C1orf87: variants seen among roughly 807,000 people sequenced by gnomAD.
C1orf87 encodes chromosome 1 open reading frame 87.
C1orf87 carries 58 observed loss-of-function variants against 60.5 expected under a neutral mutation model. The observed-to-expected ratio is 0.96, with a 90% confidence interval of 0.78 to 1.19. The LOEUF is 1.19. Ranked by LOEUF, C1orf87 falls within the 50% of genes most tolerant of loss-of-function variation. The probability of loss-of-function intolerance (pLI) is 0.00; values close to 1 mark genes in which losing one functional copy is unlikely to be tolerated. For synonymous variants in C1orf87, 236 were observed against 227.4 expected, an observed-to-expected ratio of 1.04 and a Z score of -0.34; for missense variants, 673 against 638.6, an observed-to-expected ratio of 1.05 and a Z score of -0.58.
Position 60,040,045 on chromosome 1 carries a change from G to T in C1orf87, c.619C>A (p.Pro207Thr), listed in dbSNP as rs747202320. ...TGGAGAAGAAATCCTGAAGAGATTG[G>T]GTCCAGGATCTTCAGCTCTTTCTGA... is the stretch of plus-strand genomic sequence containing the variant. Reference protein sequence around the residue: ...KLQKELKILDPISSGFLLQSQ... With the variant: ...KLQKELKILDTISSGFLLQSQ... Residue 207 changes from proline (P) to threonine (T), a missense_variant, in exon 5 of 12, where the codon CCA (proline) becomes ACA (threonine). Physicochemically the swap from Pro to Thr is conservative, Grantham distance 38. Coordinates refer to ENST00000371201, the MANE Select transcript of C1orf87 (RefSeq NM_152377.3). 4.8e-5 allele frequency: 77 copies of T among 1,614,060 alleles called. No homozygotes were observed. The South Asian group carries it at 6.1e-4, about 13-fold the overall frequency.
At chr1:60,014,592 T>C (rs1018104173) in intron 8 of C1orf87, among the ~76,000 whole-genome samples, 18 of 152,268 alleles carry the variant, frequency 1.2e-4, no homozygotes, top group African/African-American at 4.3e-4. Context: ...GGCTATTTTA[T>C]TGAAACATCC....
chr1:60,064,322 A>G (rs1234899172), intron 2 of C1orf87, among the ~76,000 whole-genome samples: 3 of 142,962 alleles, frequency 2.1e-5, no homozygotes, highest in Non-Finnish European at 3.0e-5. Context: ...TATAAATTAT[A>G]TATTATATAT....
rs142481056 is a variant in C1orf87 at position 59,992,782 on chromosome 1, C to T, written c.1481-1949G>A. On this transcript the variant is annotated intron_variant, in intron 11 of 11. Coordinates refer to ENST00000371201, the MANE Select transcript of C1orf87 (RefSeq NM_152377.3). ...CACCTTCTCAACTACTCTCTAATCG[C>T]TATTTTTAACAGTAGGCCACAATAG... Among the ~76,000 whole-genome samples the T allele has an allele frequency of 3.9e-5, 6 of 152,316 alleles. No homozygotes were observed. In the East Asian group the frequency reaches 1.2e-3, roughly 29 times the overall value.
At chr1:59,997,480 C>A in intron 11 of C1orf87, 129 bp downstream of exon 11, 1 of 788,810 alleles carries the variant, frequency 1.3e-6, no homozygotes, top group Non-Finnish European at 2.0e-6. Context: ...TTGTGCTCAG[C>A]ACATTGCAGG....
rs377036270 is a variant in C1orf87 at position 60,006,802 on chromosome 1, A to G, written c.1192+3590T>C. 2.8e-3 allele frequency among the ~76,000 whole-genome samples: 426 copies of G among 152,124 alleles called. 1 individual carries two copies. The highest frequency in any genetic ancestry group is 4.5e-3 in the Non-Finnish European group (303 of 67,980). ...GCTTAAGGTCTTTTACTACTTTCGG[A>G]AGCTTCTCAGTCATAATTGCTTCAA... On this transcript the variant is annotated intron_variant, in intron 9 of 11. Coordinates refer to ENST00000371201, the MANE Select transcript of C1orf87 (RefSeq NM_152377.3).
chr1:60,016,423 A>T (rs1382478827), intron 8 of C1orf87, among the ~76,000 whole-genome samples: 1 of 152,136 alleles, frequency 6.6e-6, no homozygotes, highest in Non-Finnish European at 1.5e-5. Context: ...ATTCACTTGC[A>T]TTGTTTTTCT....
At position 60,041,090 on chromosome 1, in the gene C1orf87, G is replaced by A. The variant is rs74843231; in HGVS notation, c.384C>T (p.Thr128=). The A allele has an allele frequency of 0.068, 109,925 of 1,611,216 alleles. 4,002 individuals carry two copies. The highest frequency in any genetic ancestry group is 0.087 in the East Asian group (3,888 of 44,796). The change falls in exon 4 of 12, where the codon ACC becomes ACT. Residue 128 remains threonine, a synonymous_variant. Coordinates refer to ENST00000371201, the MANE Select transcript of C1orf87 (RefSeq NM_152377.3). ...QANVHCSSVP[T]GDQSLSYVHG... ...GCACATAGGATAAGGACTGGTCTCCGGTTGGTACAGAGCTGCAGTGGACAT... is the reference window on the plus strand; with the variant it reads ...GCACATAGGATAAGGACTGGTCTCCAGTTGGTACAGAGCTGCAGTGGACAT...
chr1:60,064,924 AT>A (rs2100331743), intron 2 of C1orf87, among the ~76,000 whole-genome samples: 1 of 75,890 alleles, frequency 1.3e-5, no homozygotes, highest in South Asian at 4.1e-4. Flanking sequence ...TTTATATTAT[AT>A]AATATATAAT....
chr1:60,025,373 A>G (rs1336132289), intron 8 of C1orf87, 28 bp downstream of exon 8: 2 of 1,549,846 alleles, frequency 1.3e-6, no homozygotes, highest in East Asian at 2.2e-5. Context: ...GGATACAAAC[A>G]TTCAGTTCTT....
intron 9 of C1orf87, among the ~76,000 whole-genome samples, chr1:60,008,114 G>A (rs1574297774): frequency 6.6e-6 from 1 of 152,110 alleles, no homozygotes; most frequent in East Asian, 1.9e-4. Context: ...TAAATAAGCA[G>A]TGAGCTATCA....
intron 10 of C1orf87, 126 bp downstream of exon 10, chr1:60,000,951 A>G: frequency 2.7e-6 from 2 of 740,496 alleles, no homozygotes; most frequent in South Asian, 3.4e-5. Flanking sequence ...GAAGTCAAAG[A>G]CAGTCTGACA....
At chr1:60,056,233 TA>T (rs1165358820) in intron 2 of C1orf87, among the ~76,000 whole-genome samples, 1 of 151,718 alleles carries the variant, frequency 6.6e-6, no homozygotes, top group South Asian at 2.1e-4. Context: ...GACACGTCTC[TA>T]AAAAAATAAA....
chr1:60,024,235 T>C (rs1371121070), intron 8 of C1orf87, among the ~76,000 whole-genome samples: 2 of 152,236 alleles, frequency 1.3e-5, no homozygotes, highest in Non-Finnish European at 2.9e-5. Context: ...TCCTTTGAAA[T>C]TGGGGGACTT....
chr1:60,051,367 G>C (rs1183662321), intron 3 of C1orf87, among the ~76,000 whole-genome samples: 3 of 152,316 alleles, frequency 2.0e-5, no homozygotes, highest in East Asian at 3.9e-4. Flanking sequence ...TGGCTAATGG[G>C]ATGTTAGTGG....
chr1:60,016,677 A>G (rs1645126844), intron 8 of C1orf87, among the ~76,000 whole-genome samples: 1 of 152,240 alleles, frequency 6.6e-6, no homozygotes, highest in Non-Finnish European at 1.5e-5. Context: ...GGGTTTCTCC[A>G]TAGATGGGGG....
chr1:60,012,451 C>T (rs554434008), intron 8 of C1orf87, among the ~76,000 whole-genome samples: 15 of 152,110 alleles, frequency 9.9e-5, no homozygotes, highest in African/African-American at 3.4e-4. Context: ...ACTTACATGA[C>T]CAATACAATT....
At chr1:60,035,094 C>T (rs1489294817) in intron 6 of C1orf87, among the ~76,000 whole-genome samples, 2 of 152,150 alleles carry the variant, frequency 1.3e-5, no homozygotes, top group Non-Finnish European at 2.9e-5. Flanking sequence ...TTCACCTGTC[C>T]AGGGAGTTCC....
intron 9 of C1orf87, among the ~76,000 whole-genome samples, chr1:60,006,289 A>C (rs1486015334): frequency 6.6e-6 from 1 of 152,108 alleles, no homozygotes; most frequent in East Asian, 1.9e-4. Flanking sequence ...GAATGGCTAG[A>C]TCAAACCATT....
At chr1:60,043,725 A>G (rs1310294874) in intron 3 of C1orf87, among the ~76,000 whole-genome samples, 1 of 152,208 alleles carries the variant, frequency 6.6e-6, no homozygotes, top group East Asian at 1.9e-4. Context: ...TTCACAGGAC[A>G]ATATGTTTCT....
Sources: gnomAD v4.1 joint callset for allele counts (sites outside exome capture counted in the v4.1 genomes callset) on GRCh38, gnomAD v4.1.1 for gene constraint, MANE v1.5 for transcripts, NCBI Gene and HGNC (gene_info 2026-07-23, HGNC 2026-07-21) for gene names.